Variants in FRY observed in about 807,000 individuals in gnomAD.
The protein encoded by FRY is FRY microtubule binding protein.
A neutral mutation model predicts 348.4 loss-of-function variants in FRY; 128 were observed. The observed-to-expected ratio is 0.37, with a 90% CI of 0.32 to 0.43. The LOEUF is 0.43. Among genes scored for constraint, FRY ranks in the 20% least tolerant of loss-of-function variants. FRY has a pLI of 1.00. For missense variants in FRY, 2,736 were observed against 3,695.2 expected (o/e 0.74, Z 6.73); for synonymous variants, 1,370 against 1,374.7 (o/e 1.00, Z 0.08).
At chr13:32,259,916 T>C (rs555136221) in intron 51 of FRY, among the ~76,000 whole-genome samples, 1 of 152,286 alleles carries the variant, frequency 6.6e-6, no homozygotes, top group African/African-American at 2.4e-5. Flanking sequence ...TTAGAAACAA[T>C]ATTCTGAGTC....
chr13:32,240,000 C>G lies in FRY; in HGVS notation c.6687+119C>G. ...CCTCCCAGAGTGCTAGGATTACAGGCGTGGGCCACCATTCCCTGCCAGAGG... is the reference window on the plus strand; with the variant it reads ...CCTCCCAGAGTGCTAGGATTACAGGGGTGGGCCACCATTCCCTGCCAGAGG... On this transcript the variant is annotated intron_variant, in intron 46 of 60. Transcript: ENST00000542859. The surrounding 1 kb of genome is among the most constrained non-coding windows in gnomAD (Gnocchi z 4.3). 5.2e-6 allele frequency: 4 copies of G among 765,790 alleles called. No individual in the cohort carries two copies. In the South Asian group the frequency reaches 6.6e-5, roughly 13 times the overall value. 47.4% of individuals were successfully genotyped at this position (765,790 alleles called of 1,614,324 possible). A position where few individuals can be genotyped will look rare whatever the true frequency, so the allele number is the denominator to read the frequency against.
chr13:32,231,119 G>A, intron 40 of FRY, 60 bp from the exon 41 acceptor site: 4 of 1,487,078 alleles, frequency 2.7e-6, no homozygotes, highest in South Asian at 1.1e-5. Context: ...GACTGTATGT[G>A]TAGTTTTAAA....
chr13:32,197,811 A>T lies in FRY; in HGVS notation c.3746+3514A>T, dbSNP rs1593726937. Among the ~76,000 whole-genome samples the T allele has an allele frequency of 2.0e-5, 3 of 152,196 alleles. No individual in the cohort carries two copies. The East Asian group carries it at 5.8e-4, about 29-fold the overall frequency. On this transcript the variant is annotated intron_variant, in intron 29 of 60. Coordinates refer to ENST00000542859, the MANE Select transcript of FRY (RefSeq NM_023037.3). ...TACTAGGTAAGCCAGAGTAGCGGAC[A>T]TTTCCCAAATTCTTCAACATCTCCT...
intron 2 of FRY, among the ~76,000 whole-genome samples, chr13:32,097,362 C>CT (rs34054013): frequency 0.44 from 55,961 of 126,472 alleles, 13,621 homozygotes; most frequent in South Asian, 0.57. Flanking sequence ...CCTTTTTTTC[C>CT]TTTTTTTTTT....
chr13:32,189,612 G>A (rs1353663218), intron 28 of FRY, among the ~76,000 whole-genome samples: 2 of 151,826 alleles, frequency 1.3e-5, no homozygotes, highest in Non-Finnish European at 2.9e-5. Context: ...TAAATCCATG[G>A]CAAGTTCAAT....
intron 28 of FRY, among the ~76,000 whole-genome samples, chr13:32,189,262 C>T (rs1883196352): frequency 6.6e-6 from 1 of 152,058 alleles, no homozygotes; most frequent in African/African-American, 2.4e-5. Flanking sequence ...ATGTCTTCTC[C>T]TTCTTAGTGC....
At chr13:32,270,888 C>G (rs1323149724) in intron 55 of FRY, among the ~76,000 whole-genome samples, 4 of 152,232 alleles carry the variant, frequency 2.6e-5, no homozygotes, top group Non-Finnish European at 4.4e-5. Context: ...GCAACATACA[C>G]TAGGTGCTCA....
intron 41 of FRY, among the ~76,000 whole-genome samples, chr13:32,234,119 CAAAA>C (rs11322238): frequency 2.6e-5 from 2 of 76,196 alleles, no homozygotes; most frequent in African/African-American, 5.6e-5. Flanking sequence ...ACCCTGTTTC[CAAAA>C]AAAAAAAAAA....
At chr13:32,083,825 G>A (rs1875665349) in intron 2 of FRY, among the ~76,000 whole-genome samples, 1 of 151,944 alleles carries the variant, frequency 6.6e-6, no homozygotes, top group African/African-American at 2.4e-5. Flanking sequence ...CCATTGTTTA[G>A]GACCAGACTT....
chr13:32,184,407 G>T (rs1882896759), intron 24 of FRY, among the ~76,000 whole-genome samples, 193 bp from the exon 25 acceptor site: 2 of 149,606 alleles, frequency 1.3e-5, no homozygotes, highest in African/African-American at 2.4e-5. Context: ...CACTTATGAT[G>T]TTTTTTTTTC....
At chr13:32,272,335 G>A (rs206082) in intron 55 of FRY, among the ~76,000 whole-genome samples, 150,185 of 152,364 alleles carry the variant, frequency 0.99, 74,055 homozygotes, top group East Asian at 1. Flanking sequence ...AAAAACAAGG[G>A]AATGGTTTCT....
chr13:32,072,966 TATG>T (rs1171941415), intron 1 of FRY, among the ~76,000 whole-genome samples: 1 of 152,264 alleles, frequency 6.6e-6, no homozygotes, highest in Non-Finnish European at 1.5e-5. Flanking sequence ...ATCACCTTTC[TATG>T]ATGAGTTCTA....
intron 51 of FRY, among the ~76,000 whole-genome samples, chr13:32,260,498 G>C (rs1231241558): frequency 6.6e-6 from 1 of 152,126 alleles, no homozygotes; most frequent in Non-Finnish European, 1.5e-5. Flanking sequence ...TGTAGAGAAA[G>C]TCTGAATGCA....
At chr13:32,111,426 G>A (rs1241055424) in intron 3 of FRY, among the ~76,000 whole-genome samples, 1 of 152,132 alleles carries the variant, frequency 6.6e-6, no homozygotes, top group African/African-American at 2.4e-5. Flanking sequence ...AACCTGGGAG[G>A]CAGAGGTTGC....
Position 32,117,350 on chromosome 13 carries a change from G to A in FRY, c.341G>A (p.Ser114Asn), listed in dbSNP as rs772180448. The change falls in exon 4 of 61, where the codon AGC becomes AAC. Residue 114 changes from serine (S) to asparagine (N), a missense_variant. Around this residue, in one of 9 missense-constraint regions of FRY, gnomAD observed 309 missense variants for 418.1 expected, o/e 0.74. Transcript: ENST00000542859. ...CCTCCATAGGTCATCAGCTCAATGA[G>A]CTCCCTTTCTGAGTACTGCCTGCCT... ...PQFDQVISSM[S>N]SLSEYCLPSI... The A allele has an allele frequency of 2.5e-6, 4 of 1,613,964 alleles. No individual in the cohort carries two copies. In the South Asian group the frequency reaches 3.3e-5, roughly 13 times the overall value.
At chr13:32,119,557 C>T (rs1878518966) in intron 4 of FRY, among the ~76,000 whole-genome samples, 1 of 152,146 alleles carries the variant, frequency 6.6e-6, no homozygotes, top group Non-Finnish European at 1.5e-5. Flanking sequence ...CCTCTGGCCA[C>T]TTGTAAAGAC....
At chr13:32,265,734 A>G (rs1887890988) in intron 54 of FRY, 118 bp downstream of exon 54, 2 of 994,456 alleles carry the variant, frequency 2.0e-6, no homozygotes, top group Non-Finnish European at 3.1e-6. Flanking sequence ...AAGGACTCCA[A>G]AGTGACATAT....
intron 49 of FRY, among the ~76,000 whole-genome samples, chr13:32,251,191 G>A (rs1887061717): frequency 6.6e-6 from 1 of 152,144 alleles, no homozygotes; most frequent in East Asian, 1.9e-4. Context: ...ATCATTCTGA[G>A]ACCTGGGTTA....
At chr13:32,038,955 C>G (rs1310032094) in intron 1 of FRY, among the ~76,000 whole-genome samples, 1 of 152,136 alleles carries the variant, frequency 6.6e-6, no homozygotes, top group African/African-American at 2.4e-5. Context: ...CTCAGAGCTT[C>G]CTTTCCTTCC....
Sources: gnomAD v4.1 joint callset for allele counts (sites outside exome capture counted in the v4.1 genomes callset) on GRCh38, gnomAD v4.1.1 for gene constraint, gnomAD v4.1.1 regional missense constraint, Gnocchi (gnomAD v3.1) non-coding constraint, MANE v1.5 for transcripts, NCBI Gene and HGNC (gene_info 2026-07-23, HGNC 2026-07-21) for gene names.